Variants in ZBTB1 observed in about 807,000 individuals in gnomAD.
ZBTB1 encodes the protein zinc finger and BTB domain-containing protein 1.
A neutral mutation model predicts 51.6 loss-of-function variants in ZBTB1; 13 were observed. That is an observed-to-expected ratio of 0.25 (90% CI 0.16 to 0.40). The LOEUF is 0.40. Ranked by LOEUF, ZBTB1 falls within the 10% of genes least tolerant of loss-of-function variation. The pLI is 1.00. For missense variants in ZBTB1, 567 were observed against 856.5 expected, an observed-to-expected ratio of 0.66 and a Z score of 4.22; for synonymous variants, 240 against 282.2, an observed-to-expected ratio of 0.85 and a Z score of 1.50.
chr14:64,519,455 CAATTA>C (rs1000655719), intron 1 of ZBTB1, among the ~76,000 whole-genome samples: 1 of 131,218 alleles, frequency 7.6e-6, no homozygotes, highest in African/African-American at 2.7e-5. Context: ...TTTCTTTTAA[CAATTA>C]AAAAAAAAAA....
At position 64,531,247 on chromosome 14, in the gene ZBTB1, T is replaced by TA. The variant is rs1458943792; in HGVS notation, c.1899-614_1899-613insA. 4.4e-4 allele frequency among the ~76,000 whole-genome samples: 67 copies of TA among 152,238 alleles called. 1 individual carries two copies. The highest frequency in any genetic ancestry group is 3.5e-4 in the Non-Finnish European group (24 of 68,002). On this transcript the variant is annotated intron_variant, in intron 2 of 2. Coordinates refer to the ZBTB1 transcript ENST00000358738. ...TTCAAATGCTTATGTTTAAAAAATTTTAAAAAAATTAAGGATCTTATTATG... is the reference window on the plus strand; with the variant it reads ...TTCAAATGCTTATGTTTAAAAAATTTATAAAAAAATTAAGGATCTTATTATG...
intron 1 of ZBTB1, among the ~76,000 whole-genome samples, chr14:64,519,783 A>T (rs1417167116): frequency 6.6e-6 from 1 of 151,904 alleles, no homozygotes; most frequent in Non-Finnish European, 1.5e-5. Context: ...GCCTCAAAAA[A>T]AAAAAAAGGA....
rs376945184 is a variant in ZBTB1, at chr14:64,522,570, A to C, written c.1066A>C (p.Thr356Pro). ...KVTDKDCNESTDNDELEDEPE... is the reference protein window; with the variant it reads ...KVTDKDCNESPDNDELEDEPE... ...TACTGATAAAGACTGTAATGAATCCACTGACAATGATGAATTAGAAGATGA... is the reference window on the plus strand; with the variant it reads ...TACTGATAAAGACTGTAATGAATCCCCTGACAATGATGAATTAGAAGATGA... Residue 356 changes from threonine to proline, a missense_variant, in exon 2 of 2, where the codon ACT becomes CCT. By Grantham distance (38) the Thr-to-Pro change is conservative. Around this residue, in one of 5 missense-constraint regions of ZBTB1, gnomAD observed 329 missense variants for 406.3 expected, o/e 0.81. Transcript: ENST00000683701. 12 of 1,613,824 alleles carry C rather than the reference A, an allele frequency of 7.4e-6. No homozygotes were observed. Among genetic ancestry groups the C allele is most frequent in the East Asian group, 2.2e-5 (1 of 44,902 alleles).
intron 1 of ZBTB1, among the ~76,000 whole-genome samples, chr14:64,519,652 C>T (rs2079839022): frequency 6.6e-6 from 1 of 150,748 alleles, no homozygotes; most frequent in Non-Finnish European, 1.5e-5. Context: ...GTGGCATGTG[C>T]CTACAGTCCC....
At chr14:64,506,435 A>G (rs2079657807) in intron 1 of ZBTB1, among the ~76,000 whole-genome samples, 1 of 152,202 alleles carries the variant, frequency 6.6e-6, no homozygotes, top group African/African-American at 2.4e-5. Context: ...CAGGAGGCTG[A>G]GGCAGGAGAA....
chr14:64,531,909 T>G, exon 3 of ZBTB1: 1 of 1,613,582 alleles, frequency 6.2e-7, no homozygotes, highest in Non-Finnish European at 8.5e-7. Context: ...AGATCTGAAT[T>G]TGGAGAGGAC....
intron 1 of ZBTB1, among the ~76,000 whole-genome samples, chr14:64,515,380 C>T (rs2079769719): frequency 6.6e-6 from 1 of 152,040 alleles, no homozygotes; most frequent in African/African-American, 2.4e-5. Context: ...TACTTAAAAC[C>T]TTTTATAGGC....
In ZBTB1 at chr14:64,524,801, A is replaced by G. The variant is rs1417467662; in HGVS notation, c.*1155A>G. ...TATAAAACTTGAGGATTATAAAATAATCACAGAGTATATCAATGGAAACAG... is the reference window on the plus strand; with the variant it reads ...TATAAAACTTGAGGATTATAAAATAGTCACAGAGTATATCAATGGAAACAG... On this transcript the variant is annotated 3_prime_UTR_variant, in exon 2 of 2. Transcript: ENST00000683701. 1 of 981,170 alleles carries G rather than the reference A, an allele frequency of 1.0e-6. No homozygotes were observed. Among genetic ancestry groups the G allele is most frequent in the Non-Finnish European group, 1.2e-6 (1 of 826,198 alleles). The allele number at this position is 981,170 out of a possible 1,614,324, so 60.8% of individuals were successfully genotyped here.
At chr14:64,504,232 A>C (rs1368743424), upstream of ZBTB1, 1 of 148,402 alleles carries the variant, frequency 6.7e-6, no homozygotes, top group Non-Finnish European at 1.5e-5. Flanking sequence ...ACTCAGGGCC[A>C]GAGGCAGCAG....
At chr14:64,530,492 A>G (rs2079934671) in intron 2 of ZBTB1, among the ~76,000 whole-genome samples, 1 of 152,110 alleles carries the variant, frequency 6.6e-6, no homozygotes, top group African/African-American at 2.4e-5. Flanking sequence ...CTGTAGTCTC[A>G]GCTACTCTGG....
rs2079861380 is a variant in ZBTB1, at chr14:64,521,677, A to ATAG, written c.176_178dup (p.Ser59dup). 1 of 1,614,212 alleles carries ATAG rather than the reference A, an allele frequency of 6.2e-7. No individual in the cohort carries two copies. The highest frequency in any genetic ancestry group is 8.5e-7 in the Non-Finnish European group (1 of 1,180,048). On this transcript the variant is annotated inframe_insertion, in exon 2 of 2. Transcript: ENST00000683701. Reference sequence around the variant, plus strand: ...AGAATGTTTTTCATGAACCATCAGCATAGTACTGCACAACTGAATCTCAGC... The same window carrying ATAG: ...AGAATGTTTTTCATGAACCATCAGCATAGTAGTACTGCACAACTGAATCTCAGC...
downstream of ZBTB1, among the ~76,000 whole-genome samples, chr14:64,526,878 A>G (rs1414302231): frequency 1.3e-5 from 2 of 150,446 alleles, no homozygotes; most frequent in Non-Finnish European, 3.0e-5. Context: ...CCTATCTCTA[A>G]AAAAAAAATT....
At position 64,522,438 on chromosome 14, in the gene ZBTB1, G is replaced by A. The variant is rs377658410; in HGVS notation, c.934G>A (p.Ala312Thr). ...RKSSTVESEI[A>T]SEEKSRAAER... ...AAGTAGCACAGTGGAGTCTGAAATA[G>A]CAAGCGAAGAGAAAAGCAGAGCTGC... is the stretch of plus-strand genomic sequence containing the variant. Residue 312 changes from alanine (A) to threonine (T), a missense_variant, in exon 2 of 2, where the codon GCA (alanine) becomes ACA (threonine). This residue lies in a region of ZBTB1 where 329 missense variants were observed against 406.3 expected (regional missense o/e 0.81). Transcript: ENST00000683701. 4 of 1,614,008 alleles carry A rather than the reference G, an allele frequency of 2.5e-6. No homozygotes were observed. In the East Asian group the frequency reaches 6.7e-5, roughly 27 times the overall value.
chr14:64,503,742 C>G (rs2079577497), upstream of ZBTB1: 3 of 428,660 alleles, frequency 7.0e-6, no homozygotes, highest in Non-Finnish European at 6.2e-6. Context: ...GCAGTGGCGC[C>G]GGCTCACGCA....
chr14:64,524,711 T>C lies in ZBTB1; in HGVS notation c.*1065T>C, dbSNP rs2140180397. ...CTTGTGTTTTATACTGTCTAAGATT[T>C]GGAGGAAATGTGGCAAATTGCAGTT... On this transcript the variant is annotated 3_prime_UTR_variant, in exon 2 of 2. Coordinates refer to ENST00000683701, the MANE Select transcript of ZBTB1 (RefSeq NM_001123329.2). 1 of 985,110 alleles carries C rather than the reference T, an allele frequency of 1.0e-6. No individual in the cohort carries two copies. The highest frequency in any genetic ancestry group is 4.7e-5 in the South Asian group (1 of 21,284). The allele number at this position is 985,110 out of a possible 1,614,324, so 61.0% of individuals were successfully genotyped here. A position where few individuals can be genotyped will look rare whatever the true frequency, so the allele number is the denominator to read the frequency against.
chr14:64,517,525 GTC>G (rs928587407), intron 1 of ZBTB1, among the ~76,000 whole-genome samples: 7 of 151,786 alleles, frequency 4.6e-5, no homozygotes, highest in Admixed American at 1.3e-4. Flanking sequence ...TTTATTAAAT[GTC>G]TCTCTGAATC....
chr14:64,516,953 C>T (rs909280986), intron 1 of ZBTB1, among the ~76,000 whole-genome samples: 3 of 152,162 alleles, frequency 2.0e-5, no homozygotes, highest in African/African-American at 7.2e-5. Context: ...AAAACTGCTG[C>T]TCATCTAGAT....
intron 1 of ZBTB1, among the ~76,000 whole-genome samples, chr14:64,515,969 A>G (rs1486084219): frequency 6.6e-6 from 1 of 152,162 alleles, no homozygotes; most frequent in Admixed American, 6.5e-5. Context: ...ACAGTGGTTT[A>G]TACCTGTAAT....
intron 1 of ZBTB1, among the ~76,000 whole-genome samples, chr14:64,513,510 C>T (rs1207736650): frequency 6.6e-6 from 1 of 152,152 alleles, no homozygotes; most frequent in African/African-American, 2.4e-5. Flanking sequence ...TATATAAATA[C>T]TCGAAATGCC....
Sources: gnomAD v4.1 joint callset for allele counts (sites outside exome capture counted in the v4.1 genomes callset) on GRCh38, gnomAD v4.1.1 for gene constraint, gnomAD v4.1.1 regional missense constraint, MANE v1.5 for transcripts, NCBI Gene and HGNC (gene_info 2026-07-23, HGNC 2026-07-21) for gene names.